Variants in AFG2A observed in about 807,000 individuals in gnomAD.
The protein encoded by AFG2A is ATPase family gene 2 protein homolog A.
the AFG2A span, among the ~76,000 whole-genome samples, chr4:122,993,218 C>T: frequency 6.6e-6 from 1 of 151,892 alleles, no homozygotes; most frequent in Admixed American, 6.6e-5. Context: ...GTCTCGAACT[C>T]CTGACCTCAG....
chr4:123,016,302 A>G, the AFG2A span, among the ~76,000 whole-genome samples: 2 of 150,746 alleles, frequency 1.3e-5, no homozygotes, highest in Non-Finnish European at 3.0e-5. Flanking sequence ...GCTGCCGGGC[A>G]GAGACGCCCC....
the AFG2A span, among the ~76,000 whole-genome samples, chr4:123,009,588 C>T: frequency 2.0e-5 from 3 of 152,200 alleles, no homozygotes; most frequent in Non-Finnish European, 4.4e-5. Context: ...TTTCACATTA[C>T]ATGTGGTCAT....
At chr4:123,031,978 C>A in the AFG2A span, among the ~76,000 whole-genome samples, 1 of 152,118 alleles carries the variant, frequency 6.6e-6, no homozygotes, top group East Asian at 1.9e-4. Context: ...AAAATACTTT[C>A]CAGTTGAAAT....
chr4:123,068,492 A>C, the AFG2A span, among the ~76,000 whole-genome samples: 2 of 152,182 alleles, frequency 1.3e-5, no homozygotes, highest in Non-Finnish European at 2.9e-5. Flanking sequence ...TGGAGGTGTC[A>C]ATAAAACATT....
chr4:122,941,439 G>T, the AFG2A span, among the ~76,000 whole-genome samples: 2 of 152,284 alleles, frequency 1.3e-5, no homozygotes, highest in South Asian at 4.2e-4. Context: ...CTGTTTGTCT[G>T]TTATCGGTGT....
chr4:123,161,640 A>G, the AFG2A span, among the ~76,000 whole-genome samples: 8 of 152,298 alleles, frequency 5.3e-5, no homozygotes, highest in African/African-American at 1.9e-4. Flanking sequence ...ACATTATGGA[A>G]AAGTTTAGAA....
chr4:122,975,933 T>A, the AFG2A span, among the ~76,000 whole-genome samples: 126,354 of 151,964 alleles, frequency 0.83, 53,667 homozygotes, highest in East Asian at 0.96. Context: ...CTATTTTTGG[T>A]GTATGTTTGT....
chr4:123,247,073 G>T, the AFG2A span, among the ~76,000 whole-genome samples: 1 of 152,014 alleles, frequency 6.6e-6, no homozygotes, highest in Non-Finnish European at 1.5e-5. Flanking sequence ...TACCAATAAT[G>T]ATTTTGTTTT....
chr4:123,271,893 G>T, the AFG2A span, among the ~76,000 whole-genome samples: 1 of 151,364 alleles, frequency 6.6e-6, no homozygotes, highest in South Asian at 2.1e-4. Flanking sequence ...GCCCCAAAAT[G>T]ATGTTTATAA....
At chr4:123,046,157 A>G in the AFG2A span, among the ~76,000 whole-genome samples, 1 of 152,008 alleles carries the variant, frequency 6.6e-6, no homozygotes, top group Non-Finnish European at 1.5e-5. Flanking sequence ...AGATTTTTAA[A>G]TTTATTTCGT....
chr4:123,303,240 TAATC>T, the AFG2A span, among the ~76,000 whole-genome samples: 2 of 152,206 alleles, frequency 1.3e-5, no homozygotes, highest in African/African-American at 4.8e-5. Context: ...CTCTGTGGAA[TAATC>T]AATTTTATAA....
the AFG2A span, among the ~76,000 whole-genome samples, chr4:123,249,290 C>T: frequency 1.3e-5 from 2 of 152,122 alleles, no homozygotes; most frequent in African/African-American, 2.4e-5. Flanking sequence ...CAGAAAGCAG[C>T]GTGGTGAGTT....
the AFG2A span, among the ~76,000 whole-genome samples, chr4:123,184,450 T>A: frequency 6.6e-6 from 1 of 151,964 alleles, no homozygotes; most frequent in African/African-American, 2.4e-5. Context: ...TTTTGCCCAA[T>A]GTTTTGGAAT....
chr4:123,033,210 G>A, the AFG2A span, among the ~76,000 whole-genome samples: 1 of 152,270 alleles, frequency 6.6e-6, no homozygotes, highest in African/African-American at 2.4e-5. Context: ...TAAGGATAAT[G>A]ATTTTAAGAA....
chr4:123,251,402 A>C, the AFG2A span, among the ~76,000 whole-genome samples: 1 of 152,162 alleles, frequency 6.6e-6, no homozygotes, highest in African/African-American at 2.4e-5. Context: ...TTGTTTGTTC[A>C]TCAATAATGA....
At chr4:123,028,375 C>T in the AFG2A span, 2 of 1,614,104 alleles carry the variant, frequency 1.2e-6, no homozygotes, top group Non-Finnish European at 8.5e-7. Context: ...TGAGAGTGGA[C>T]TGAATTTTCT....
the AFG2A span, among the ~76,000 whole-genome samples, chr4:123,185,735 A>G: frequency 6.6e-6 from 1 of 152,290 alleles, no homozygotes; most frequent in East Asian, 1.9e-4. Context: ...TAAACTAAAA[A>G]TATGTTCCTG....
the AFG2A span, among the ~76,000 whole-genome samples, chr4:123,299,934 T>G: frequency 1.3e-5 from 2 of 152,208 alleles, no homozygotes; most frequent in African/African-American, 4.8e-5. Context: ...CATGATTTAT[T>G]CATGAAAAAC....
the AFG2A span, among the ~76,000 whole-genome samples, chr4:123,073,217 A>G: frequency 6.6e-6 from 1 of 151,438 alleles, no homozygotes; most frequent in Admixed American, 6.6e-5. Flanking sequence ...TCTCCGGCCT[A>G]TCTCCTTTTC....
Sources: allele counts gnomAD v4.1 joint callset (sites outside exome capture counted in the v4.1 genomes callset), GRCh38; gene constraint gnomAD v4.1.1; transcripts MANE v1.5; gene names NCBI Gene and HGNC (gene_info 2026-07-23, HGNC 2026-07-21).